Variants in DNAJC8 observed in about 807,000 individuals in gnomAD.
DNAJC8 encodes dnaJ homolog subfamily C member 8.
Under a neutral mutation model 43.2 loss-of-function variants are expected in DNAJC8, and 24 were observed. The observed-to-expected ratio is 0.56, with a 90% CI of 0.40 to 0.78. The LOEUF is 0.78. Among genes scored for constraint, DNAJC8 ranks in the 30% least tolerant of loss-of-function variants. The probability of loss-of-function intolerance (pLI) is 0.00; values close to 1 mark genes in which losing one functional copy is unlikely to be tolerated. For missense variants in DNAJC8, 207 were observed against 299.4 expected, an observed-to-expected ratio of 0.69 and a Z score of 2.28; for synonymous variants, 83 against 98.0, an observed-to-expected ratio of 0.85 and a Z score of 0.90.
chr1:28,206,399 G>A (rs1350534750), intron 6 of DNAJC8, among the ~76,000 whole-genome samples: 2 of 151,938 alleles, frequency 1.3e-5, no homozygotes, highest in African/African-American at 2.4e-5. Flanking sequence ...ATAGGTATGA[G>A]CCACCAGAGG....
intron 7 of DNAJC8, among the ~76,000 whole-genome samples, chr1:28,204,586 A>G (rs1346648762): frequency 1.2e-4 from 18 of 152,216 alleles, no homozygotes. Flanking sequence ...ACATTTTGTT[A>G]CTGATGACAC....
chr1:28,229,798 G>A (rs1646961771), intron 1 of DNAJC8, among the ~76,000 whole-genome samples: 1 of 151,330 alleles, frequency 6.6e-6, no homozygotes, highest in Non-Finnish European at 1.5e-5. Context: ...AAAAGTAAGA[G>A]ATTTCTCTGT....
chr1:28,215,013 C>A lies in DNAJC8; in HGVS notation c.181-17G>T. The A allele has an allele frequency of 1.3e-6, 2 of 1,592,704 alleles. No individual in the cohort carries two copies. The highest frequency in any genetic ancestry group is 2.3e-5 in the South Asian group (2 of 87,288). The stretch of plus-strand genomic sequence containing the variant: ...CTGAAGAACCTGGAAGTATCAAAAT[C>A]AAAACCATAAAAAAGGTGAAAATAA... On this transcript the variant is annotated splice_polypyrimidine_tract_variant and intron_variant, in intron 2 of 8. Coordinates refer to ENST00000263697, the MANE Select transcript of DNAJC8 (RefSeq NM_014280.3).
intron 2 of DNAJC8, among the ~76,000 whole-genome samples, chr1:28,220,092 A>C (rs1258789455): frequency 6.6e-6 from 1 of 152,262 alleles, no homozygotes; most frequent in Non-Finnish European, 1.5e-5. Context: ...TGTTAACAAC[A>C]CCTGGAGCTT....
chr1:28,228,796 C>A, intron 2 of DNAJC8, 126 bp downstream of exon 2: 1 of 779,352 alleles, frequency 1.3e-6, no homozygotes. Flanking sequence ...GATTCCATCA[C>A]TTTACTCCAC....
At chr1:28,218,076 G>A (rs1646871780) in intron 2 of DNAJC8, among the ~76,000 whole-genome samples, 1 of 151,002 alleles carries the variant, frequency 6.6e-6, no homozygotes, top group African/African-American at 2.4e-5. Context: ...TTTTCATGAA[G>A]GTCGGATGGT....
intron 3 of DNAJC8, among the ~76,000 whole-genome samples, chr1:28,212,173 ATATATATAT>A (rs1557707912): frequency 0.044 from 3,481 of 79,334 alleles, 342 homozygotes; most frequent in Non-Finnish European, 0.049. Context: ...AAATAAATAT[ATATATATAT>A]ATATATATAT....
chr1:28,212,383 T>C (rs1313265050), intron 3 of DNAJC8, among the ~76,000 whole-genome samples: 1 of 146,530 alleles, frequency 6.8e-6, no homozygotes, highest in African/African-American at 2.5e-5. Flanking sequence ...CAAGTGATCC[T>C]CCCACCTCAG....
intron 2 of DNAJC8, among the ~76,000 whole-genome samples, chr1:28,217,376 T>C (rs1343741849): frequency 6.6e-6 from 1 of 152,068 alleles, no homozygotes; most frequent in Non-Finnish European, 1.5e-5. Flanking sequence ...ATCCCAGTAC[T>C]TTGGGAGGCC....
At chr1:28,207,769 A>T (rs1646780069) in intron 6 of DNAJC8, among the ~76,000 whole-genome samples, 1 of 151,016 alleles carries the variant, frequency 6.6e-6, no homozygotes, top group Non-Finnish European at 1.5e-5. Context: ...AAAAAATAAA[A>T]ATTAGGCCGC....
intron 2 of DNAJC8, among the ~76,000 whole-genome samples, chr1:28,221,703 C>T (rs1646899508): frequency 6.6e-6 from 1 of 152,070 alleles, no homozygotes. Flanking sequence ...AAGAACATAC[C>T]ATAAATTCTT....
chr1:28,210,987 T>C (rs1244269367), intron 3 of DNAJC8, among the ~76,000 whole-genome samples: 1 of 151,928 alleles, frequency 6.6e-6, no homozygotes, highest in Non-Finnish European at 1.5e-5. Context: ...CTGAGCAACA[T>C]AGCAAGACCC....
Position 28,201,104 on chromosome 1 carries a change from C to T in DNAJC8, c.*144G>A, listed in dbSNP as rs956864396. 2 of 1,197,678 alleles carry T rather than the reference C, an allele frequency of 1.7e-6. No homozygotes were observed. Among genetic ancestry groups the T allele is most frequent in the East Asian group, 2.4e-5 (1 of 42,210 alleles). The allele number at this position is 1,197,678 out of a possible 1,614,324, so 74.2% of individuals were successfully genotyped here. Reference sequence around the variant, plus strand: ...CAATGTACAAAAGAATTACTCTGATCGATATTAAATCGTATTGAAAACAAA... The same window carrying T: ...CAATGTACAAAAGAATTACTCTGATTGATATTAAATCGTATTGAAAACAAA... On this transcript the variant is annotated 3_prime_UTR_variant, in exon 9 of 9. Transcript: ENST00000263697.
chr1:28,208,070 G>A (rs1646782228), intron 6 of DNAJC8, among the ~76,000 whole-genome samples: 1 of 152,106 alleles, frequency 6.6e-6, no homozygotes, highest in African/African-American at 2.4e-5. Flanking sequence ...ACCGGGCATG[G>A]TGGTACATGC....
intron 2 of DNAJC8, among the ~76,000 whole-genome samples, chr1:28,223,713 C>T (rs867535414): frequency 9.4e-6 from 1 of 106,560 alleles, no homozygotes; most frequent in Non-Finnish European, 2.0e-5. Flanking sequence ...CTTGTCTTTA[C>T]AAAAAAAAAA....
intron 2 of DNAJC8, among the ~76,000 whole-genome samples, chr1:28,217,001 T>A (rs1235310311): frequency 6.6e-6 from 1 of 151,686 alleles, no homozygotes; most frequent in East Asian, 1.9e-4. Flanking sequence ...AGAGATGGGG[T>A]TCCTCCATGT....
At chr1:28,217,888 A>G (rs1411767790) in intron 2 of DNAJC8, among the ~76,000 whole-genome samples, 1 of 151,986 alleles carries the variant, frequency 6.6e-6, no homozygotes, top group Non-Finnish European at 1.5e-5. Context: ...GGATATATAC[A>G]GACAGTAAAA....
chr1:28,209,846 G>C, intron 5 of DNAJC8, 126 bp downstream of exon 5: 1 of 757,344 alleles, frequency 1.3e-6, no homozygotes, highest in Middle Eastern at 3.8e-4. Context: ...CAGCAAAGTG[G>C]TAGAGAGCAC....
intron 3 of DNAJC8, 138 bp from the exon 4 acceptor site, chr1:28,210,775 C>A: frequency 1.7e-6 from 1 of 598,166 alleles, no homozygotes; most frequent in Non-Finnish European, 3.0e-6. Context: ...AAAAAATTAA[C>A]AAATCTCTTT....
Sources: allele counts gnomAD v4.1 joint callset (sites outside exome capture counted in the v4.1 genomes callset), GRCh38; gene constraint gnomAD v4.1.1; transcripts MANE v1.5; gene names NCBI Gene and HGNC (gene_info 2026-07-23, HGNC 2026-07-21).